Variants in DYRK4 observed in about 807,000 individuals in gnomAD.
DYRK4 encodes the protein dual specificity tyrosine-phosphorylation-regulated kinase 4.
Under a neutral mutation model 68.3 loss-of-function variants are expected in DYRK4, and 64 were observed. That is an observed-to-expected ratio of 0.94 (90% CI 0.77 to 1.15). The LOEUF is 1.15. Ranked by LOEUF, DYRK4 falls within the 50% of genes most tolerant of loss-of-function variation. The probability of loss-of-function intolerance (pLI) is 0.00; values close to 1 mark genes in which losing one functional copy is unlikely to be tolerated. For synonymous variants in DYRK4, 274 were observed against 289.9 expected (o/e 0.95, Z 0.56); for missense variants, 740 against 764.7 (o/e 0.97, Z 0.38).
chr12:4,595,794 C>T (rs971454048), intron 6 of DYRK4, among the ~76,000 whole-genome samples: 5 of 152,192 alleles, frequency 3.3e-5, no homozygotes, highest in African/African-American at 4.8e-5. Context: ...TTTTTCCAAC[C>T]CTCTTACTTT....
chr12:4,608,732 A>G (rs1020781056), intron 12 of DYRK4, among the ~76,000 whole-genome samples: 5 of 152,184 alleles, frequency 3.3e-5, no homozygotes, highest in Admixed American at 6.5e-5. Flanking sequence ...AGTTGGTTCC[A>G]TGCCATTCAT....
At chr12:4,596,880 C>T in intron 8 of DYRK4, 151 bp downstream of exon 8, 1 of 1,481,216 alleles carries the variant, frequency 6.8e-7, no homozygotes, top group Non-Finnish European at 8.9e-7. Context: ...TGCCCAGGAG[C>T]AAGGAGGTTG....
At position 4,604,911 on chromosome 12, in the gene DYRK4, C is replaced by T. The variant is rs2137395209; in HGVS notation, c.1127-3C>T. The T allele has an allele frequency of 6.3e-7, 1 of 1,588,710 alleles. No homozygotes were observed. Among genetic ancestry groups the T allele is most frequent in the Non-Finnish European group, 8.6e-7 (1 of 1,165,020 alleles). On this transcript the variant is annotated splice_region_variant and splice_polypyrimidine_tract_variant and intron_variant, in intron 10 of 14. Transcript: ENST00000543431. ...CGAGGTTTCTCTTACTTTGCCTCCGCAGTATACACGTACATCCAAAGCCGG... is the reference window on the plus strand; with the variant it reads ...CGAGGTTTCTCTTACTTTGCCTCCGTAGTATACACGTACATCCAAAGCCGG...
intron 2 of DYRK4, among the ~76,000 whole-genome samples, chr12:4,585,616 C>T (rs1236901646): frequency 1.0e-4 from 15 of 150,270 alleles, no homozygotes; most frequent in South Asian, 2.2e-4. Context: ...CATCACACAC[C>T]GGGGACTGTT....
In DYRK4 at chr12:4,591,715, T is replaced by A; in HGVS notation, c.463+417T>A. On this transcript the variant is annotated intron_variant, in intron 5 of 14. Coordinates refer to ENST00000543431, the MANE Select transcript of DYRK4 (RefSeq NM_001394779.1). This position sits in a 1 kb window ranked among gnomAD's most constrained non-coding sequence, Gnocchi z 4.1. ...GCTGAAGCTTGCTCCTTCCTCTTGA[T>A]AAGGAGGTGTTGGAGAGGAGCCTCT... 6.2e-6 allele frequency: 1 copy of A among 160,686 alleles called. No individual in the cohort carries two copies. The highest frequency in any genetic ancestry group is 6.2e-5 in the Admixed American group (1 of 16,232). The allele number at this position is 160,686 out of a possible 1,614,324, so 10.0% of individuals were successfully genotyped here. A position where few individuals can be genotyped will look rare whatever the true frequency, so the allele number is the denominator to read the frequency against.
rs530697268 is a variant in DYRK4, at chr12:4,586,024, G to A, written c.133-2913G>A. On this transcript the variant is annotated intron_variant, in intron 2 of 14. Transcript: ENST00000543431. ...AGCTCAGGAGTTTGAGACCAGCCTGGGAAAACAGCAAGATCCTGTCTCTAC... is the reference window on the plus strand; with the variant it reads ...AGCTCAGGAGTTTGAGACCAGCCTGAGAAAACAGCAAGATCCTGTCTCTAC... Among the ~76,000 whole-genome samples the A allele has an allele frequency of 1.7e-3, 251 of 152,080 alleles. 1 individual carries two copies. The highest frequency in any genetic ancestry group is 3.4e-3 in the Middle Eastern group (1 of 294).
intron 2 of DYRK4, among the ~76,000 whole-genome samples, chr12:4,581,389 C>G (rs1249512845): frequency 6.6e-6 from 1 of 152,234 alleles, no homozygotes; most frequent in Non-Finnish European, 1.5e-5. Context: ...TGAACCATCT[C>G]TTGTTTCCTT....
intron 6 of DYRK4, among the ~76,000 whole-genome samples, chr12:4,593,821 T>C (rs1466994290): frequency 6.6e-6 from 1 of 152,192 alleles, no homozygotes; most frequent in East Asian, 1.9e-4. Context: ...AATTTCCTCT[T>C]CGGAACATTT....
At chr12:4,564,738 T>G (rs1336092169) in intron 1 of DYRK4, among the ~76,000 whole-genome samples, 1 of 152,222 alleles carries the variant, frequency 6.6e-6, no homozygotes, top group African/African-American at 2.4e-5. Context: ...TTTGATGAAT[T>G]AATCTATTTT....
rs1565540126 is a variant in DYRK4 at position 4,599,098 on chromosome 12, A to T, written c.976A>T (p.Thr326Ser). 1.9e-6 allele frequency: 3 copies of T among 1,613,642 alleles called. No homozygotes were observed. The Admixed American group carries it at 5.0e-5, about 27-fold the overall frequency. ...GFSLSIVRRF[T>S]LSVLKCLQML... ...CAGTCTGTCCATAGTTCGGCGCTTC[A>T]CTCTCTCTGTTTTGAAGTGCTTGCA... is the stretch of plus-strand genomic sequence containing the variant. Residue 326 changes from threonine to serine, a missense_variant, in exon 9 of 15, where the codon ACT (threonine) becomes TCT (serine). Transcript: ENST00000543431.
At chr12:4,582,987 C>T (rs183286850) in intron 2 of DYRK4, among the ~76,000 whole-genome samples, 9 of 152,088 alleles carry the variant, frequency 5.9e-5, no homozygotes, top group Non-Finnish European at 1.0e-4. Flanking sequence ...GGATGGAATG[C>T]GGAGAGGCAG....
chr12:4,609,594 A>G (rs1945194184), intron 12 of DYRK4, among the ~76,000 whole-genome samples: 1 of 152,184 alleles, frequency 6.6e-6, no homozygotes, highest in South Asian at 2.1e-4. Context: ...GGTAGTAAGA[A>G]GGGGATGGAG....
chr12:4,582,604 A>G (rs1031884919), intron 2 of DYRK4, among the ~76,000 whole-genome samples: 11 of 152,228 alleles, frequency 7.2e-5, no homozygotes, highest in Non-Finnish European at 1.6e-4. Context: ...ATATTAATAC[A>G]AGAGGGAGTG....
intron 10 of DYRK4, among the ~76,000 whole-genome samples, chr12:4,600,967 A>G (rs1180700174): frequency 6.6e-6 from 1 of 152,152 alleles, no homozygotes. Context: ...TCATCTCATT[A>G]GAACAAAGAG....
At chr12:4,562,465 T>G (rs1290759024) in intron 1 of DYRK4, among the ~76,000 whole-genome samples, 182 bp downstream of exon 1, 8 of 152,220 alleles carry the variant, frequency 5.3e-5, no homozygotes, top group African/African-American at 1.7e-4. Context: ...AATACAGTTG[T>G]AGTTTTTGCA....
intron 2 of DYRK4, among the ~76,000 whole-genome samples, chr12:4,583,047 G>A (rs753405434): frequency 6.6e-6 from 1 of 152,220 alleles, no homozygotes; most frequent in Admixed American, 6.5e-5. Flanking sequence ...TAGGGATGTG[G>A]TGGGCAAAGA....
intron 6 of DYRK4, 56 bp downstream of exon 6, chr12:4,593,221 T>A: frequency 3.2e-6 from 5 of 1,574,590 alleles, no homozygotes; most frequent in Admixed American, 1.9e-5. Context: ...AGAGGTAGTC[T>A]AGAAAGGAAA....
Position 4,610,293 on chromosome 12 carries a change from G to A in DYRK4, c.1490+9G>A. The stretch of plus-strand genomic sequence containing the variant: ...CTCAGAAGGTGTTTGGTGTGAGTTT[G>A]TTGGGACATCTCTGCTTCTGGGTTT... On this transcript the variant is annotated intron_variant, in intron 13 of 14. Transcript: ENST00000543431. 2 of 1,535,184 alleles carry A rather than the reference G, an allele frequency of 1.3e-6. No individual in the cohort carries two copies. Among genetic ancestry groups the A allele is most frequent in the Non-Finnish European group, 1.7e-6 (2 of 1,146,426 alleles).
At position 4,593,001 on chromosome 12, in the gene DYRK4, G is replaced by A; in HGVS notation, c.464-1G>A. 6.2e-7 allele frequency: 1 copy of A among 1,612,186 alleles called. No individual in the cohort carries two copies. Among genetic ancestry groups the A allele is most frequent in the Non-Finnish European group, 8.5e-7 (1 of 1,179,086 alleles). On this transcript the variant is annotated splice_acceptor_variant, in intron 5 of 14. Coordinates refer to ENST00000543431, the MANE Select transcript of DYRK4 (RefSeq NM_001394779.1). LOFTEE classifies it high-confidence loss of function. ...TCACAATTGTAGTGTTTTTCACACA[G>A]AGGCCCTAAAGCTTTTTAAGAACCA...
Sources: allele counts gnomAD v4.1 joint callset (sites outside exome capture counted in the v4.1 genomes callset), GRCh38; gene constraint gnomAD v4.1.1; non-coding constraint Gnocchi (gnomAD v3.1); transcripts MANE v1.5; gene names NCBI Gene and HGNC (gene_info 2026-07-23, HGNC 2026-07-21).